MIER3: variants seen among roughly 807,000 people sequenced by gnomAD.
MIER3 encodes the protein mesoderm induction early response protein 3.
Under a neutral mutation model 63.2 loss-of-function variants are expected in MIER3, and 9 were observed. The ratio of observed to expected loss-of-function variants is 0.14; its 90% confidence interval spans 0.09 to 0.25. The LOEUF is 0.25. Ranked by LOEUF, MIER3 falls within the 10% of genes least tolerant of loss-of-function variation. The pLI, the probability that MIER3 is intolerant of heterozygous loss-of-function variation, is 1.00. For missense variants in MIER3, 512 were observed against 666.2 expected (o/e 0.77, Z 2.55); for synonymous variants, 205 against 224.9 (o/e 0.91, Z 0.79).
At chr5:56,945,441 C>T (rs556893694) in intron 3 of MIER3, among the ~76,000 whole-genome samples, 24 of 151,836 alleles carry the variant, frequency 1.6e-4, no homozygotes, top group African/African-American at 5.8e-4. Flanking sequence ...CCAGCCTGCG[C>T]AATGGAGCAA....
intron 5 of MIER3, among the ~76,000 whole-genome samples, chr5:56,936,013 G>A (rs970952886): frequency 7.9e-5 from 12 of 152,048 alleles, no homozygotes; most frequent in African/African-American, 2.9e-4. Context: ...GATCGCTTGA[G>A]GTCAGGAGTT....
chr5:56,940,796 C>G (rs955767566), intron 3 of MIER3, among the ~76,000 whole-genome samples: 1 of 152,198 alleles, frequency 6.6e-6, no homozygotes, highest in Non-Finnish European at 1.5e-5. Context: ...TCCATTGAAG[C>G]TAACAAGACT....
At position 56,941,112 on chromosome 5, in the gene MIER3, T is replaced by G. The variant is rs1750629952; in HGVS notation, c.181-2095A>C. On this transcript the variant is annotated intron_variant, in intron 3 of 12. Coordinates refer to ENST00000381199, the MANE Select transcript of MIER3 (RefSeq NM_001297599.2). ...CAAATGAAATTTACTGAAGAATCCCTGCTCACAAGGAATTCAGTCTTAGTG... is the reference window on the plus strand; with the variant it reads ...CAAATGAAATTTACTGAAGAATCCCGGCTCACAAGGAATTCAGTCTTAGTG... 4 of 985,468 alleles carry G rather than the reference T, an allele frequency of 4.1e-6. No individual in the cohort carries two copies. The South Asian group carries it at 1.4e-4, about 35-fold the overall frequency. 61.0% of individuals were successfully genotyped at this position (985,468 alleles called of 1,614,324 possible).
chr5:56,938,183 T>C, intron 4 of MIER3: 1 of 459,018 alleles, frequency 2.2e-6, no homozygotes, highest in Non-Finnish European at 4.5e-6. Flanking sequence ...CAGTCATCCT[T>C]GTGCCTAGCA....
At chr5:56,924,576 T>G (rs1749866953) in intron 10 of MIER3, among the ~76,000 whole-genome samples, 1 of 152,246 alleles carries the variant, frequency 6.6e-6, no homozygotes, top group Non-Finnish European at 1.5e-5. Context: ...ACCAACGGTC[T>G]ACAGCATCTG....
intron 5 of MIER3, among the ~76,000 whole-genome samples, chr5:56,936,564 G>A (rs1191467377): frequency 2.0e-5 from 3 of 152,166 alleles, no homozygotes; most frequent in Non-Finnish European, 4.4e-5. Context: ...AGGCTGGAGA[G>A]CAGTAGCCTG....
intron 1 of MIER3, 76 bp downstream of exon 1, chr5:56,952,018 G>A (rs1579872347): frequency 8.3e-7 from 1 of 1,203,038 alleles, no homozygotes; most frequent in African/African-American, 1.6e-5. Context: ...GGATCCCCCA[G>A]GCTGGCTCGG....
Position 56,930,766 on chromosome 5 carries a change from A to G in MIER3, c.748-21T>C, listed in dbSNP as rs199514018. On this transcript the variant is annotated intron_variant, in intron 8 of 12. Coordinates refer to ENST00000381199, the MANE Select transcript of MIER3 (RefSeq NM_001297599.2). ...AATGCCTGGGATGGATATTCAATAA[A>G]AAGTATTAAAAGTTCATACCTAACA... 7.0e-6 allele frequency: 11 copies of G among 1,580,642 alleles called. No individual in the cohort carries two copies. In the East Asian group the frequency reaches 1.6e-4, roughly 23 times the overall value.
chr5:56,924,892 A>G (rs1749886582), intron 10 of MIER3, among the ~76,000 whole-genome samples: 2 of 152,230 alleles, frequency 1.3e-5, no homozygotes, highest in African/African-American at 4.8e-5. Context: ...TAATATGGGA[A>G]TAAGCTTTTT....
intron 12 of MIER3, 50 bp downstream of exon 12, chr5:56,923,641 A>G: frequency 6.2e-7 from 1 of 1,613,366 alleles, no homozygotes; most frequent in Non-Finnish European, 8.5e-7. Context: ...CAAACAGAGG[A>G]CACAATTTTG....
Position 56,922,340 on chromosome 5 carries a change from T to C in MIER3, c.*788A>G, listed in dbSNP as rs573649994. 1 of 152,578 alleles carries C rather than the reference T, an allele frequency of 6.6e-6. No individual in the cohort carries two copies. The highest frequency in any genetic ancestry group is 2.1e-4 in the South Asian group (1 of 4,832). 9.5% of individuals were successfully genotyped at this position (152,578 alleles called of 1,614,324 possible). ...CCCATCTGAGTACCACATCTTCAAA[T>C]GCCAAAACTGTAGCCAATAAATGAA... is the stretch of plus-strand genomic sequence containing the variant. On this transcript the variant is annotated 3_prime_UTR_variant, in exon 13 of 13. Coordinates refer to ENST00000381199, the MANE Select transcript of MIER3 (RefSeq NM_001297599.2).
chr5:56,938,383 A>G (rs907173509), intron 4 of MIER3: 11 of 470,610 alleles, frequency 2.3e-5, no homozygotes, highest in African/African-American at 2.2e-4. Context: ...AGCAGAGGCC[A>G]TGGCCGTGTG....
intron 3 of MIER3, among the ~76,000 whole-genome samples, chr5:56,942,121 TCAGAGAAC>T (rs1326101277): frequency 6.6e-6 from 1 of 152,146 alleles, no homozygotes; most frequent in Non-Finnish European, 1.5e-5. Context: ...AGCCTGGAGC[TCAGAGAAC>T]CAGGCTGGGC....
At chr5:56,942,023 A>AC (rs1161519051) in intron 3 of MIER3, among the ~76,000 whole-genome samples, 2 of 152,210 alleles carry the variant, frequency 1.3e-5, no homozygotes, top group African/African-American at 4.8e-5. Context: ...TTGAAGAAAA[A>AC]AACAACAACA....
intron 4 of MIER3, chr5:56,938,478 G>A (rs1360672956): frequency 9.4e-6 from 4 of 426,892 alleles, no homozygotes; most frequent in African/African-American, 6.2e-5. Context: ...TGCGGCCGCT[G>A]TCACTCCCAG....
chr5:56,940,364 A>G (rs1750601496), intron 3 of MIER3, among the ~76,000 whole-genome samples: 1 of 152,246 alleles, frequency 6.6e-6, no homozygotes, highest in Admixed American at 6.5e-5. Flanking sequence ...ACACTAAAGC[A>G]GAGTGTGCAA....
intron 2 of MIER3, among the ~76,000 whole-genome samples, chr5:56,950,248 C>T (rs1281659936): frequency 6.6e-6 from 1 of 151,986 alleles, no homozygotes; most frequent in African/African-American, 2.4e-5. Flanking sequence ...TGAAGTAGTC[C>T]CAGAGTTCTG....
intron 3 of MIER3, among the ~76,000 whole-genome samples, chr5:56,945,742 TA>T (rs1301617958): frequency 2.0e-5 from 3 of 152,168 alleles, no homozygotes; most frequent in Non-Finnish European, 4.4e-5. Context: ...ACTATGAACA[TA>T]AAAACTTATA....
intron 8 of MIER3, 140 bp from the exon 9 acceptor site, chr5:56,930,885 T>A: frequency 1.4e-6 from 1 of 693,132 alleles, no homozygotes; most frequent in Non-Finnish European, 2.5e-6. Flanking sequence ...TGAAGGTATA[T>A]TTGCCCAAGC....
Sources: allele counts gnomAD v4.1 joint callset (sites outside exome capture counted in the v4.1 genomes callset), GRCh38; gene constraint gnomAD v4.1.1; transcripts MANE v1.5; gene names NCBI Gene and HGNC (gene_info 2026-07-23, HGNC 2026-07-21).